The following MAD1L1 variants were observed in gnomAD, a reference collection of about 807,000 sequenced individuals.
The protein encoded by MAD1L1 is mitotic arrest deficient 1 like 1.
In MAD1L1, 95 loss-of-function variants were observed where a neutral mutation model predicts 96.9. That is an observed-to-expected ratio of 0.98 (90% CI 0.83 to 1.16). The LOEUF is 1.16. Ranked by LOEUF, MAD1L1 falls within the 50% of genes most tolerant of loss-of-function variation. The probability of loss-of-function intolerance (pLI) is 0.00; values close to 1 mark genes in which losing one functional copy is unlikely to be tolerated. For synonymous variants in MAD1L1, 473 were observed against 396.6 expected (o/e 1.19, Z -2.29); for missense variants, 1,007 against 954.4 (o/e 1.06, Z -0.73).
At chr7:2,111,905 C>G (rs1787402252) in intron 11 of MAD1L1, among the ~76,000 whole-genome samples, 1 of 152,236 alleles carries the variant, frequency 6.6e-6, no homozygotes, top group Non-Finnish European at 1.5e-5. Context: ...CAGTCCCACT[C>G]CTAAGTATGT....
intron 15 of MAD1L1, among the ~76,000 whole-genome samples, chr7:1,958,484 T>C (rs1328281692): frequency 1.3e-5 from 2 of 152,192 alleles, no homozygotes; most frequent in Non-Finnish European, 2.9e-5. Flanking sequence ...GGGACAGCTA[T>C]TCCAGCCTGA....
At chr7:1,830,107 T>C (rs966220519) in intron 18 of MAD1L1, among the ~76,000 whole-genome samples, 3 of 152,162 alleles carry the variant, frequency 2.0e-5, no homozygotes, top group African/African-American at 7.2e-5. Flanking sequence ...AACAGGGGCT[T>C]ACACAACAGG....
At chr7:1,996,701 T>C (rs1241370073) in intron 14 of MAD1L1, among the ~76,000 whole-genome samples, 1 of 152,134 alleles carries the variant, frequency 6.6e-6, no homozygotes, top group Non-Finnish European at 1.5e-5. Flanking sequence ...TGGCACAGGG[T>C]GCCCCTGGGA....
intron 18 of MAD1L1, among the ~76,000 whole-genome samples, chr7:1,893,440 G>T (rs527794590): frequency 6.1e-4 from 93 of 152,206 alleles, no homozygotes; most frequent in Non-Finnish European, 1.1e-3. Flanking sequence ...ATCATTTGGG[G>T]GAAAATCTGA....
intron 18 of MAD1L1, among the ~76,000 whole-genome samples, chr7:1,880,424 G>A (rs1211955290): frequency 1.3e-5 from 2 of 152,180 alleles, no homozygotes; most frequent in Admixed American, 1.3e-4. Context: ...CCAAACTTGA[G>A]GAAAGCTGGA....
chr7:2,077,479 G>A (rs1785433289), intron 11 of MAD1L1, among the ~76,000 whole-genome samples: 1 of 152,186 alleles, frequency 6.6e-6, no homozygotes, highest in African/African-American at 2.4e-5. Context: ...CACCCCCATA[G>A]GGCTGGGGGG....
At chr7:2,024,968 T>C (rs1188770000) in intron 12 of MAD1L1, among the ~76,000 whole-genome samples, 1 of 152,230 alleles carries the variant, frequency 6.6e-6, no homozygotes, top group East Asian at 1.9e-4. Flanking sequence ...AACATGATAT[T>C]ATGAACTTAT....
intron 16 of MAD1L1, among the ~76,000 whole-genome samples, chr7:1,946,089 T>A (rs1043429293): frequency 4.3e-4 from 65 of 152,080 alleles, no homozygotes; most frequent in African/African-American, 1.5e-3. Context: ...AGGCAGCGGA[T>A]GTGGGGTGGG....
At chr7:1,909,748 C>G (rs1431335208) in intron 17 of MAD1L1, among the ~76,000 whole-genome samples, 1 of 152,232 alleles carries the variant, frequency 6.6e-6, no homozygotes, top group Non-Finnish European at 1.5e-5. Context: ...ACCTGCCAGC[C>G]AGGGCCTGCT....
chr7:2,015,159 G>A (rs913548372), intron 12 of MAD1L1, among the ~76,000 whole-genome samples: 2 of 152,218 alleles, frequency 1.3e-5, no homozygotes, highest in Admixed American at 6.5e-5. Flanking sequence ...CGGACCTGTC[G>A]AGGGAGGGGA....
At position 1,887,529 on chromosome 7, in the gene MAD1L1, C is replaced by A. The variant is rs12673799; in HGVS notation, c.1998+10671G>T. On this transcript the variant is annotated intron_variant, in intron 18 of 18. Transcript: ENST00000265854. Reference sequence around the variant, plus strand: ...TATGTGGCTGCCTGTGCGTGTGTGTCTGCATGTGGCTGCCTGTGCATGTGT... The same window carrying A: ...TATGTGGCTGCCTGTGCGTGTGTGTATGCATGTGGCTGCCTGTGCATGTGT... Among the ~76,000 whole-genome samples, 33 of 144,080 alleles carry A rather than the reference C, an allele frequency of 2.3e-4. No homozygotes were observed. The East Asian group carries it at 7.1e-3, about 31-fold the overall frequency. The allele number at this position is 144,080 out of a possible 152,430, so 94.5% of individuals were successfully genotyped here.
chr7:2,115,061 A>T (rs537386932), intron 11 of MAD1L1, among the ~76,000 whole-genome samples: 1 of 152,198 alleles, frequency 6.6e-6, no homozygotes, highest in Non-Finnish European at 1.5e-5. Context: ...TGGAGGCGCC[A>T]GCTCAGTCTG....
At chr7:1,818,469 A>C (rs1253744888) in intron 18 of MAD1L1, among the ~76,000 whole-genome samples, 1 of 152,038 alleles carries the variant, frequency 6.6e-6, no homozygotes, top group Non-Finnish European at 1.5e-5. Flanking sequence ...CTCAGCCTCG[A>C]GCTCCCGGAC....
At chr7:1,897,931 G>A (rs948135481) in intron 18 of MAD1L1, among the ~76,000 whole-genome samples, 3 of 152,214 alleles carry the variant, frequency 2.0e-5, no homozygotes, top group Non-Finnish European at 2.9e-5. Context: ...CCCAAGTTGC[G>A]ACAGACAGAG....
Position 2,198,495 on chromosome 7 carries a change from G to A in MAD1L1, c.986+14717C>T, listed in dbSNP as rs74472653. 9.3e-3 allele frequency among the ~76,000 whole-genome samples: 1,422 copies of A among 152,328 alleles called. 21 individuals carry two copies. Among genetic ancestry groups the A allele is most frequent in the African/African-American group, 0.032 (1,334 of 41,578 alleles). ...GGGGAGCCAGCCACACACAACACCA[G>A]GAGCGCTGGCATCGCCGGAGCAAGG... On this transcript the variant is annotated intron_variant, in intron 10 of 18. Coordinates refer to ENST00000265854, the MANE Select transcript of MAD1L1 (RefSeq NM_001013836.2).
intron 17 of MAD1L1, among the ~76,000 whole-genome samples, chr7:1,932,074 T>G (rs1789511682): frequency 6.6e-6 from 1 of 152,234 alleles, no homozygotes; most frequent in South Asian, 2.1e-4. Context: ...CCGGTCCGCA[T>G]CATGACACCC....
intron 18 of MAD1L1, among the ~76,000 whole-genome samples, chr7:1,889,859 C>T (rs1786429004): frequency 6.6e-6 from 1 of 152,202 alleles, no homozygotes; most frequent in Non-Finnish European, 1.5e-5. Context: ...GAGGCCCAGC[C>T]ACCCATGAGA....
chr7:1,923,168 A>G (rs1482083861), intron 17 of MAD1L1, among the ~76,000 whole-genome samples: 2 of 152,054 alleles, frequency 1.3e-5, no homozygotes, highest in African/African-American at 4.8e-5. Context: ...AAGCTTTTTG[A>G]TTGTGGATTC....
At chr7:1,986,818 C>T (rs570314546) in intron 14 of MAD1L1, among the ~76,000 whole-genome samples, 1 of 152,216 alleles carries the variant, frequency 6.6e-6, no homozygotes, top group South Asian at 2.1e-4. Flanking sequence ...AAAATCAAGC[C>T]CTTTTATTTT....
Sources: allele counts gnomAD v4.1 joint callset (sites outside exome capture counted in the v4.1 genomes callset), GRCh38; gene constraint gnomAD v4.1.1; transcripts MANE v1.5; gene names NCBI Gene and HGNC (gene_info 2026-07-23, HGNC 2026-07-21).